PIEZO2: variants seen among roughly 807,000 people sequenced by gnomAD.
PIEZO2 encodes the protein piezo-type mechanosensitive ion channel component 2.
Under a neutral mutation model 337.3 loss-of-function variants are expected in PIEZO2, and 172 were observed. The observed-to-expected ratio is 0.51, with a 90% confidence interval of 0.45 to 0.58. The LOEUF (loss-of-function observed/expected upper bound fraction) is 0.58, where lower values mean the gene tolerates loss of function less well. PIEZO2 is among the 20% of genes least tolerant of loss of function. The probability of loss-of-function intolerance (pLI) is 0.00; values close to 1 mark genes in which losing one functional copy is unlikely to be tolerated. For synonymous variants in PIEZO2, 1,251 were observed against 1,228.5 expected (o/e 1.02, Z -0.38); for missense variants, 3,028 against 3,391.3 (o/e 0.89, Z 2.66).
chr18:10,720,179 C>T (rs1357327055), intron 36 of PIEZO2, among the ~76,000 whole-genome samples: 2 of 142,742 alleles, frequency 1.4e-5, no homozygotes, highest in Non-Finnish European at 1.5e-5. Flanking sequence ...TCAAACTGGG[C>T]TTCATATATA....
rs959112850 is a variant in PIEZO2, at chr18:10,833,634, C to T, written c.917+21719G>A. On this transcript the variant is annotated intron_variant, in intron 7 of 55. Coordinates refer to ENST00000674853, the MANE Select transcript of PIEZO2 (RefSeq NM_001378183.1). The surrounding 1 kb of genome is among the most constrained non-coding windows in gnomAD (Gnocchi z 4.7). Reference sequence around the variant, plus strand: ...CTCACCTCGCAGAGGCTTCCAGAGCCAAGTACAGTTCCAATCTGTGTCTAC... The same window carrying T: ...CTCACCTCGCAGAGGCTTCCAGAGCTAAGTACAGTTCCAATCTGTGTCTAC... Among the ~76,000 whole-genome samples the T allele has an allele frequency of 6.6e-6, 1 of 152,188 alleles. No homozygotes were observed. The highest frequency in any genetic ancestry group is 2.4e-5 in the African/African-American group (1 of 41,446).
chr18:10,839,184 C>T (rs1598562275), intron 7 of PIEZO2, among the ~76,000 whole-genome samples: 2 of 152,160 alleles, frequency 1.3e-5, no homozygotes, highest in African/African-American at 4.8e-5. Flanking sequence ...GTGAAACTCA[C>T]AAGTCCCAGT....
chr18:11,039,820 A>C (rs184863913), intron 2 of PIEZO2, among the ~76,000 whole-genome samples: 4 of 152,046 alleles, frequency 2.6e-5, no homozygotes, highest in Admixed American at 1.3e-4. Context: ...ATTAAAAACT[A>C]GCAAAATAAG....
chr18:11,123,809 C>G (rs200133574), intron 1 of PIEZO2, among the ~76,000 whole-genome samples: 1 of 135,004 alleles, frequency 7.4e-6, no homozygotes, highest in Non-Finnish European at 1.6e-5. Flanking sequence ...GACTCCGTCT[C>G]AAAAAAAAAA....
rs1473578503 is a variant in PIEZO2, at chr18:10,979,572, G to C, written c.249C>G (p.Ser83Arg). Reference sequence around the variant, plus strand: ...GTGCAATACGATGTTGAGCTTCAAGGCTCACCAACGTGATGTGGAAAATGA... The same window carrying C: ...GTGCAATACGATGTTGAGCTTCAAGCCTCACCAACGTGATGTGGAAAATGA... Reference protein sequence around the residue: ...LHIIFHITLVSLEAQHRIAPG... With the variant: ...LHIIFHITLVRLEAQHRIAPG... The change falls in exon 3 of 56, where the codon AGC (serine) becomes AGG (arginine). Residue 83 changes from serine to arginine, a missense_variant. By Grantham distance (110) the Ser-to-Arg change is moderately radical (BLOSUM62 -1). Around this residue, in one of 5 missense-constraint regions of PIEZO2, gnomAD observed 542 missense variants for 605.6 expected, o/e 0.89. Coordinates refer to ENST00000674853, the MANE Select transcript of PIEZO2 (RefSeq NM_001378183.1). This position sits in a 1 kb window ranked among gnomAD's most constrained non-coding sequence, Gnocchi z 4.0. 1 of 1,535,314 alleles carries C rather than the reference G, an allele frequency of 6.5e-7. No individual in the cohort carries two copies. The highest frequency in any genetic ancestry group is 8.7e-7 in the Non-Finnish European group (1 of 1,145,498).
rs1242528867 is a variant in PIEZO2 at position 11,021,507 on chromosome 18, T to A, written c.161-41847A>T. On this transcript the variant is annotated intron_variant, in intron 2 of 55. Transcript: ENST00000674853. The surrounding 1 kb of genome is among the most constrained non-coding windows in gnomAD (Gnocchi z 4.7). ...TAAGGATGCAAATTTGAGTTGAGTT[T>A]CTGAGCAGACTCTCCTGCTTCAGCC... Among the ~76,000 whole-genome samples the A allele has an allele frequency of 6.6e-6, 1 of 152,208 alleles. No homozygotes were observed. The highest frequency in any genetic ancestry group is 2.4e-5 in the African/African-American group (1 of 41,450).
intron 2 of PIEZO2, among the ~76,000 whole-genome samples, chr18:10,987,735 C>T (rs1422637901): frequency 6.6e-6 from 1 of 151,924 alleles, no homozygotes; most frequent in Non-Finnish European, 1.5e-5. Context: ...GCAAAAGAAA[C>T]AATCCCTAAA....
chr18:10,768,325 T>C (rs959425137), intron 21 of PIEZO2, among the ~76,000 whole-genome samples: 1 of 152,146 alleles, frequency 6.6e-6, no homozygotes, highest in Non-Finnish European at 1.5e-5. Context: ...CCCTGTAGGA[T>C]GCATTCTAAA....
intron 47 of PIEZO2, among the ~76,000 whole-genome samples, chr18:10,694,654 G>T (rs9958833): frequency 0.019 from 2,887 of 152,112 alleles, 84 homozygotes; most frequent in African/African-American, 0.064. Context: ...AACATAATGA[G>T]ACCTCATCTC....
chr18:10,876,156 CGT>C (rs2042263013), intron 4 of PIEZO2, among the ~76,000 whole-genome samples: 1 of 152,176 alleles, frequency 6.6e-6, no homozygotes, highest in Non-Finnish European at 1.5e-5. Flanking sequence ...TACTAAAGTA[CGT>C]TCATCAGAAT....
chr18:10,714,948 T>C lies in PIEZO2; in HGVS notation c.5257-18A>G, dbSNP rs376780047. 20 of 1,535,900 alleles carry C rather than the reference T, an allele frequency of 1.3e-5. No individual in the cohort carries two copies. The African/African-American group carries it at 2.6e-4, about 20-fold the overall frequency. ...ACATTGCCCTGAGGAGAATGAGACA[T>C]TGCCACAGTTCTTATGGAGGCATCT... On this transcript the variant is annotated intron_variant, in intron 38 of 55. Coordinates refer to ENST00000674853, the MANE Select transcript of PIEZO2 (RefSeq NM_001378183.1).
At chr18:11,023,610 G>A (rs113908648) in intron 2 of PIEZO2, among the ~76,000 whole-genome samples, 102 of 152,352 alleles carry the variant, frequency 6.7e-4, no homozygotes, top group African/African-American at 2.0e-3. Context: ...GCACCGGGGC[G>A]GCAGGTGGAG....
intron 44 of PIEZO2, 70 bp downstream of exon 44, chr18:10,698,855 C>T (rs2143711273): frequency 6.6e-7 from 1 of 1,518,196 alleles, no homozygotes; most frequent in South Asian, 1.2e-5. Flanking sequence ...TGCCCCAGAC[C>T]CACAGGCACC....
At chr18:10,770,126 G>A in intron 21 of PIEZO2, 22 bp downstream of exon 21, 1 of 1,536,470 alleles carries the variant, frequency 6.5e-7, no homozygotes, top group Non-Finnish European at 8.7e-7. Flanking sequence ...TCAGCCTGAT[G>A]ATAGGACAAA....
rs2041679471 is a variant in PIEZO2 at position 10,855,503 on chromosome 18, C to T, written c.767G>A (p.Trp256Ter). ...GTCGAACGTCCGGCACCAGGACCACCAGGTGCACAGACCCAAAAATACAAA... is the reference window on the plus strand; with the variant it reads ...GTCGAACGTCCGGCACCAGGACCACTAGGTGCACAGACCCAAAAATACAAA... ...YFFVFLGLCT[W>*]WSWCRTFDPL... Residue 256 changes from tryptophan (W) to a stop codon, truncating the protein, a stop_gained, in exon 7 of 56, where the codon TGG becomes TAG. Coordinates refer to ENST00000674853, the MANE Select transcript of PIEZO2 (RefSeq NM_001378183.1). LOFTEE classifies it high-confidence loss of function. This position sits in a 1 kb window ranked among gnomAD's most constrained non-coding sequence, Gnocchi z 4.9. 6.5e-7 allele frequency: 1 copy of T among 1,537,082 alleles called. No individual in the cohort carries two copies.
chr18:10,730,909 G>T (rs978105502), intron 36 of PIEZO2, among the ~76,000 whole-genome samples: 1 of 151,920 alleles, frequency 6.6e-6, no homozygotes, highest in Non-Finnish European at 1.5e-5. Flanking sequence ...TGTATTTTTA[G>T]TAGACACGGG....
At position 10,878,814 on chromosome 18, in the gene PIEZO2, C is replaced by T. The variant is rs971721899; in HGVS notation, c.330-7399G>A. 2.6e-5 allele frequency among the ~76,000 whole-genome samples: 4 copies of T among 151,198 alleles called. No individual in the cohort carries two copies. Among genetic ancestry groups the T allele is most frequent in the African/African-American group, 9.8e-5 (4 of 41,004 alleles). On this transcript the variant is annotated intron_variant, in intron 4 of 55. Coordinates refer to ENST00000674853, the MANE Select transcript of PIEZO2 (RefSeq NM_001378183.1). This position sits in a 1 kb window ranked among gnomAD's most constrained non-coding sequence, Gnocchi z 4.3. ...AAAAAAAATCACATAACCAGAACTA[C>T]AGAAAGACCTGAAGCAAAGGACAAA...
rs1348288050 is a variant in PIEZO2 at position 10,834,018 on chromosome 18, C to G, written c.917+21335G>C. On this transcript the variant is annotated intron_variant, in intron 7 of 55. Transcript: ENST00000674853. This position sits in a 1 kb window ranked among gnomAD's most constrained non-coding sequence, Gnocchi z 4.5. The stretch of plus-strand genomic sequence containing the variant: ...AGTTTTAAACATTTTAAGCTAATTT[C>G]TGTTTTTATTTTTTATGGGTAAGTG... 6.6e-6 allele frequency among the ~76,000 whole-genome samples: 1 copy of G among 152,162 alleles called. No individual in the cohort carries two copies. The highest frequency in any genetic ancestry group is 1.5e-5 in the Non-Finnish European group (1 of 68,028).
At chr18:10,778,861 G>A (rs2038883727) in intron 18 of PIEZO2, among the ~76,000 whole-genome samples, 1 of 152,202 alleles carries the variant, frequency 6.6e-6, no homozygotes, top group African/African-American at 2.4e-5. Context: ...ACGAGTTGCT[G>A]CCAAGGGAGC....
Sources: allele counts gnomAD v4.1 joint callset (sites outside exome capture counted in the v4.1 genomes callset), GRCh38; gene constraint gnomAD v4.1.1; regional missense constraint gnomAD v4.1.1; non-coding constraint Gnocchi (gnomAD v3.1); transcripts MANE v1.5; gene names NCBI Gene and HGNC (gene_info 2026-07-23, HGNC 2026-07-21).